Variants in FRMD4A observed in about 807,000 individuals in gnomAD.
The protein encoded by FRMD4A is FERM domain-containing protein 4A.
In FRMD4A, 29 loss-of-function variants were observed where a neutral mutation model predicts 129.1. That is an observed-to-expected ratio of 0.22 (90% confidence interval 0.17 to 0.31). The LOEUF is 0.31. FRMD4A is among the 10% of genes least tolerant of loss of function. FRMD4A has a pLI of 1.00. For synonymous variants in FRMD4A, 634 were observed against 571.6 expected (o/e 1.11, Z -1.56); for missense variants, 1,272 against 1,375.8 (o/e 0.92, Z 1.19).
At position 13,688,181 on chromosome 10, in the gene FRMD4A, C is replaced by A. The variant is rs546909768; in HGVS notation, c.1117+5717G>T. ...AACGATAGACTGGATTAAGAAAATGCGGCACATATACACCATGGAATACTA... is the reference window on the plus strand; with the variant it reads ...AACGATAGACTGGATTAAGAAAATGAGGCACATATACACCATGGAATACTA... On this transcript the variant is annotated intron_variant, in intron 15 of 24. Coordinates refer to ENST00000357447, the MANE Select transcript of FRMD4A (RefSeq NM_018027.5). 2.4e-3 allele frequency among the ~76,000 whole-genome samples: 369 copies of A among 152,142 alleles called. 4 individuals are homozygous for A. Among genetic ancestry groups the A allele is most frequent in the African/African-American group, 8.3e-3 (346 of 41,486 alleles).
intron 2 of FRMD4A, among the ~76,000 whole-genome samples, chr10:13,933,200 G>C (rs988032890): frequency 6.6e-6 from 1 of 152,084 alleles, no homozygotes; most frequent in African/African-American, 2.4e-5. Flanking sequence ...ATAGGGTCTG[G>C]AGGCAGGGAA....
chr10:13,890,760 GGTTCTC>G (rs1008484911), intron 2 of FRMD4A: 23 of 985,370 alleles, frequency 2.3e-5, no homozygotes, highest in Non-Finnish European at 2.8e-5. Context: ...TGCGGGCATT[GGTTCTC>G]GTTTCTCAGC....
At chr10:13,989,719 C>A (rs1296241433) in intron 2 of FRMD4A, among the ~76,000 whole-genome samples, 1 of 152,142 alleles carries the variant, frequency 6.6e-6, no homozygotes, top group East Asian at 1.9e-4. Context: ...GGGAGACAGC[C>A]TATTGATGAT....
intron 2 of FRMD4A, among the ~76,000 whole-genome samples, chr10:13,874,669 A>G (rs2094471928): frequency 6.6e-6 from 1 of 152,218 alleles, no homozygotes; most frequent in Non-Finnish European, 1.5e-5. Flanking sequence ...CCTTCCAGGA[A>G]ATAGAATGCA....
intron 2 of FRMD4A, among the ~76,000 whole-genome samples, chr10:13,882,060 A>C (rs1881587): frequency 0.98 from 147,724 of 150,214 alleles, 72,706 homozygotes; most frequent in Middle Eastern, 1. Flanking sequence ...TAAGAAAAGA[A>C]GTTTAAGAAA....
chr10:13,696,586 A>G (rs573795780), intron 14 of FRMD4A, among the ~76,000 whole-genome samples: 1 of 152,322 alleles, frequency 6.6e-6, no homozygotes, highest in African/African-American at 2.4e-5. Flanking sequence ...TCTACTAAAA[A>G]TACAAAAATT....
chr10:14,250,718 C>T (rs575133015), intron 2 of FRMD4A, among the ~76,000 whole-genome samples: 11 of 152,184 alleles, frequency 7.2e-5, no homozygotes, highest in African/African-American at 1.4e-4. Context: ...TTAGCAAAAA[C>T]GACACATTTC....
intron 2 of FRMD4A, among the ~76,000 whole-genome samples, chr10:14,223,133 G>A (rs1843317500): frequency 6.6e-6 from 1 of 152,108 alleles, no homozygotes; most frequent in Admixed American, 6.5e-5. Context: ...AAACACCAGT[G>A]ACAGCCACTG....
At chr10:13,777,221 C>T (rs2092616347) in intron 6 of FRMD4A, among the ~76,000 whole-genome samples, 1 of 152,238 alleles carries the variant, frequency 6.6e-6, no homozygotes, top group African/African-American at 2.4e-5. Context: ...ATCCAGCCAT[C>T]CCCCAGTCCT....
chr10:14,203,751 T>G (rs1842704701), intron 2 of FRMD4A, among the ~76,000 whole-genome samples: 1 of 152,186 alleles, frequency 6.6e-6, no homozygotes, highest in African/African-American at 2.4e-5. Context: ...GGAGGGGAAT[T>G]ATGCTAATGG....
At chr10:13,799,083 G>A (rs1170908756) in intron 4 of FRMD4A, among the ~76,000 whole-genome samples, 1 of 152,080 alleles carries the variant, frequency 6.6e-6, no homozygotes, top group Non-Finnish European at 1.5e-5. Context: ...CCACCCTAGG[G>A]GCTCACCCAT....
chr10:14,029,547 T>A (rs2446570), intron 2 of FRMD4A, among the ~76,000 whole-genome samples: 27,619 of 152,064 alleles, frequency 0.18, 3,784 homozygotes, highest in African/African-American at 0.39. Context: ...CTTGAACCAT[T>A]TTCCTGTCTA....
In FRMD4A at chr10:14,296,087, A is replaced by AG. The variant is rs547580551; in HGVS notation, c.45+33970_45+33971insC. Among the ~76,000 whole-genome samples the AG allele has an allele frequency of 3.5e-3, 527 of 152,062 alleles. 1 individual carries two copies. Among genetic ancestry groups the AG allele is most frequent in the African/African-American group, 0.012 (502 of 41,420 alleles). ...GCAAAAATAATCACCTCGCCTGGCGACGGGGGGTCTCTGGTCATAACTCAC... is the reference window on the plus strand; with the variant it reads ...GCAAAAATAATCACCTCGCCTGGCGAGCGGGGGGTCTCTGGTCATAACTCAC... On this transcript the variant is annotated intron_variant, in intron 2 of 24. Coordinates refer to ENST00000357447, the MANE Select transcript of FRMD4A (RefSeq NM_018027.5).
At chr10:13,858,094 C>G (rs1417508167) in intron 3 of FRMD4A, among the ~76,000 whole-genome samples, 1 of 152,056 alleles carries the variant, frequency 6.6e-6, no homozygotes, top group African/African-American at 2.4e-5. Flanking sequence ...GAAAGAGGAC[C>G]GAGTACAGAG....
chr10:13,669,949 A>AC (rs778511066), intron 17 of FRMD4A, among the ~76,000 whole-genome samples: 33 of 152,156 alleles, frequency 2.2e-4, no homozygotes, highest in Non-Finnish European at 4.0e-4. Flanking sequence ...TGAGGCTATG[A>AC]CCACGGGGCG....
intron 5 of FRMD4A, 56 bp from the exon 6 acceptor site, chr10:13,783,062 T>A: frequency 1.3e-6 from 1 of 782,758 alleles, no homozygotes; most frequent in Non-Finnish European, 2.4e-6. Context: ...GAAAATAAAG[T>A]GCTCTCTTGA....
intron 2 of FRMD4A, among the ~76,000 whole-genome samples, chr10:13,882,750 G>A (rs1221124055): frequency 6.6e-6 from 1 of 150,928 alleles, no homozygotes; most frequent in Non-Finnish European, 1.5e-5. Flanking sequence ...GAACACTGGT[G>A]TATTGACTTT....
intron 2 of FRMD4A, among the ~76,000 whole-genome samples, chr10:13,943,125 G>A (rs1379149133): frequency 6.6e-6 from 1 of 151,988 alleles, no homozygotes; most frequent in African/African-American, 2.4e-5. Flanking sequence ...CATTTGGGAG[G>A]AACCGTGCTT....
In FRMD4A at chr10:13,758,505, T is replaced by C. The variant is rs1372364091; in HGVS notation, c.464+3142A>G. Among the ~76,000 whole-genome samples the C allele has an allele frequency of 2.6e-5, 4 of 152,240 alleles. No homozygotes were observed. The East Asian group carries it at 7.7e-4, about 29-fold the overall frequency. ...ATAATAGTGATAGATGCAGGAGGCA[T>C]GCAGATGCAGATAAGGAAACCTGCA... On this transcript the variant is annotated intron_variant, in intron 8 of 24. Coordinates refer to ENST00000357447, the MANE Select transcript of FRMD4A (RefSeq NM_018027.5).
Sources: gnomAD v4.1 joint callset for allele counts (sites outside exome capture counted in the v4.1 genomes callset) on GRCh38, gnomAD v4.1.1 for gene constraint, MANE v1.5 for transcripts, NCBI Gene and HGNC (gene_info 2026-07-23, HGNC 2026-07-21) for gene names.